The following ARL15 variants were observed in gnomAD, a reference collection of about 807,000 sequenced individuals.
The protein encoded by ARL15 is ARF like GTPase 15, also known as ADP-ribosylation factor-like protein 15.
ARL15 carries 19 observed loss-of-function variants against 25.2 expected under a neutral mutation model. That is an observed-to-expected ratio of 0.75 (90% CI 0.53 to 1.10). The LOEUF (loss-of-function observed/expected upper bound fraction) is 1.10. Among genes scored for constraint, ARL15 ranks in the 50% least tolerant of loss-of-function variants. The probability of loss-of-function intolerance (pLI) is 0.00; values close to 1 mark genes in which losing one functional copy is unlikely to be tolerated. For synonymous variants in ARL15, 94 were observed against 86.8 expected (o/e 1.08, Z -0.46); for missense variants, 220 against 246.0 (o/e 0.89, Z 0.71).
chr5:54,158,727 G>T (rs1302934065), intron 2 of ARL15, among the ~76,000 whole-genome samples: 1 of 152,140 alleles, frequency 6.6e-6, no homozygotes, highest in African/African-American at 2.4e-5. Flanking sequence ...ACAAAAATTA[G>T]CTGGGCGTGG....
intron 1 of ARL15, among the ~76,000 whole-genome samples, chr5:54,264,153 C>A (rs1360783207): frequency 6.6e-6 from 1 of 152,104 alleles, no homozygotes; most frequent in Non-Finnish European, 1.5e-5. Context: ...CTGAAAGCTG[C>A]TCAATACATC....
chr5:54,197,759 C>G (rs1755593825), intron 1 of ARL15, among the ~76,000 whole-genome samples: 1 of 152,060 alleles, frequency 6.6e-6, no homozygotes. Context: ...CTATTCCAAT[C>G]AATAGAAAAA....
At chr5:54,169,865 T>C (rs1286466410) in intron 2 of ARL15, among the ~76,000 whole-genome samples, 2 of 152,182 alleles carry the variant, frequency 1.3e-5, no homozygotes, top group Admixed American at 6.5e-5. Context: ...ACATGAGCTC[T>C]GCTAATCTTC....
At chr5:54,082,753 T>A (rs1480307155) in intron 4 of ARL15, among the ~76,000 whole-genome samples, 1 of 152,188 alleles carries the variant, frequency 6.6e-6, no homozygotes, top group African/African-American at 2.4e-5. Flanking sequence ...AAGGCCTTAC[T>A]TTTTCCTTCT....
At chr5:53,923,196 G>T (rs1221881912) in intron 4 of ARL15, among the ~76,000 whole-genome samples, 1 of 152,108 alleles carries the variant, frequency 6.6e-6, no homozygotes, top group Non-Finnish European at 1.5e-5. Flanking sequence ...TGGTAAGGGT[G>T]AGTCAGGATG....
At chr5:54,219,868 A>G (rs563608134) in intron 1 of ARL15, among the ~76,000 whole-genome samples, 1 of 152,348 alleles carries the variant, frequency 6.6e-6, no homozygotes, top group East Asian at 1.9e-4. Flanking sequence ...AAAATCTAGA[A>G]CTAAAATGAA....
intron 1 of ARL15, among the ~76,000 whole-genome samples, chr5:54,178,873 T>C (rs1754966005): frequency 6.6e-6 from 1 of 152,098 alleles, no homozygotes; most frequent in South Asian, 2.1e-4. Context: ...CATTACAAAA[T>C]GTGTTACGGG....
intron 1 of ARL15, among the ~76,000 whole-genome samples, chr5:54,233,162 G>A (rs1041881392): frequency 2.0e-5 from 3 of 152,038 alleles, no homozygotes; most frequent in Admixed American, 1.3e-4. Context: ...ATCTTGACAC[G>A]TTACTATTCT....
intron 1 of ARL15, among the ~76,000 whole-genome samples, chr5:54,267,458 A>G (rs1031423513): frequency 6.6e-6 from 1 of 152,150 alleles, no homozygotes; most frequent in African/African-American, 2.4e-5. Flanking sequence ...TAATATTCTG[A>G]AGCTATATAC....
intron 4 of ARL15, among the ~76,000 whole-genome samples, chr5:54,006,790 G>T (rs12654393): frequency 0.28 from 42,010 of 151,892 alleles, 6,038 homozygotes; most frequent in East Asian, 0.46. Context: ...CATTGTCCAT[G>T]TGAAGGTTAG....
At chr5:54,276,681 A>AG (rs1476329828) in intron 1 of ARL15, among the ~76,000 whole-genome samples, 1 of 152,252 alleles carries the variant, frequency 6.6e-6, no homozygotes, top group Non-Finnish European at 1.5e-5. Context: ...GATATGATTA[A>AG]GGATCATGAG....
intron 4 of ARL15, among the ~76,000 whole-genome samples, chr5:53,986,143 A>T (rs1351714204): frequency 6.6e-6 from 1 of 152,118 alleles, no homozygotes; most frequent in Non-Finnish European, 1.5e-5. Flanking sequence ...TAGAGTACCT[A>T]TCTACCTTCT....
intron 4 of ARL15, among the ~76,000 whole-genome samples, chr5:54,012,766 C>T (rs1749287349): frequency 6.6e-6 from 1 of 151,916 alleles, no homozygotes; most frequent in South Asian, 2.1e-4. Flanking sequence ...TCAGGTGATC[C>T]ACCCGCCTCG....
At chr5:54,101,183 ACCCACAAATTACAG>A (rs1468459312) in intron 4 of ARL15, among the ~76,000 whole-genome samples, 2 of 152,096 alleles carry the variant, frequency 1.3e-5, no homozygotes, top group Non-Finnish European at 2.9e-5. Flanking sequence ...GTGAAAGTAA[ACCCACAAATTACAG>A]CCACAACTCT....
chr5:53,978,755 G>C (rs1748028813), intron 4 of ARL15, among the ~76,000 whole-genome samples: 1 of 151,508 alleles, frequency 6.6e-6, no homozygotes, highest in Non-Finnish European at 1.5e-5. Flanking sequence ...ATATTTTATA[G>C]AAAGTAACAA....
rs1177247720 is a variant in ARL15, at chr5:53,996,503, C to T, written c.463-109790G>A. Among the ~76,000 whole-genome samples, 4 of 151,844 alleles carry T rather than the reference C, an allele frequency of 2.6e-5. No individual in the cohort carries two copies. The South Asian group carries it at 6.2e-4, about 24-fold the overall frequency. ...GCACGGTGGTGCACATCTGTAATCC[C>T]AGCTACTTGGGAGGCTGAAGCACGA... On this transcript the variant is annotated intron_variant, in intron 4 of 4. Coordinates refer to ENST00000504924, the MANE Select transcript of ARL15 (RefSeq NM_019087.3).
At chr5:54,105,154 G>A (rs755751966) in intron 4 of ARL15, among the ~76,000 whole-genome samples, 4 of 151,526 alleles carry the variant, frequency 2.6e-5, no homozygotes, top group African/African-American at 7.3e-5. Context: ...AATTTACCTC[G>A]ACAAATGTTT....
intron 4 of ARL15, among the ~76,000 whole-genome samples, chr5:53,936,037 C>A (rs554366204): frequency 6.6e-6 from 1 of 151,872 alleles, no homozygotes; most frequent in African/African-American, 2.4e-5. Flanking sequence ...GCGTGGCCAT[C>A]GTGCCCGGCC....
At chr5:54,204,474 A>C (rs1009438808) in intron 1 of ARL15, among the ~76,000 whole-genome samples, 3 of 152,178 alleles carry the variant, frequency 2.0e-5, no homozygotes, top group Admixed American at 2.0e-4. Context: ...ACTGCTTCGA[A>C]TTGCTCATCT....
Sources: gnomAD v4.1 joint callset for allele counts (sites outside exome capture counted in the v4.1 genomes callset) on GRCh38, gnomAD v4.1.1 for gene constraint, MANE v1.5 for transcripts, NCBI Gene and HGNC (gene_info 2026-07-23, HGNC 2026-07-21) for gene names.